TANGO2: variants seen among roughly 807,000 people sequenced by gnomAD.
The protein encoded by TANGO2 is transport and golgi organization 2 homolog.
TANGO2 carries 26 observed loss-of-function variants against 39.1 expected under a neutral mutation model. The observed-to-expected ratio is 0.67, with a 90% CI of 0.49 to 0.92. The LOEUF (loss-of-function observed/expected upper bound fraction) is 0.92. Ranked by LOEUF, TANGO2 falls within the 40% of genes least tolerant of loss-of-function variation. TANGO2 has a pLI of 0.00. For synonymous variants in TANGO2, 131 were observed against 144.5 expected, an observed-to-expected ratio of 0.91 and a Z score of 0.67; for missense variants, 326 against 360.1, an observed-to-expected ratio of 0.91 and a Z score of 0.77.
intron 1 of TANGO2, among the ~76,000 whole-genome samples, chr22:20,034,315 G>A (rs2042434434): frequency 6.6e-6 from 1 of 152,256 alleles, no homozygotes; most frequent in African/African-American, 2.4e-5. Flanking sequence ...TGCCATCAGA[G>A]CATGGTTGGT....
chr22:20,061,791 TC>T, intron 7 of TANGO2, 108 bp downstream of exon 7: 2 of 1,368,856 alleles, frequency 1.5e-6, no homozygotes, highest in Non-Finnish European at 9.7e-7. Context: ...CCAGGCTGGG[TC>T]CCCAGCTGCA....
intron 1 of TANGO2, among the ~76,000 whole-genome samples, chr22:20,035,259 A>G (rs373217096): frequency 2.6e-5 from 4 of 152,226 alleles, no homozygotes; most frequent in African/African-American, 7.2e-5. Flanking sequence ...ATGGTCCCCA[A>G]TGGCCATCCC....
rs893959256 is a variant in TANGO2 at position 20,052,789 on chromosome 22, G to A, written c.265+205G>A. 3.9e-5 allele frequency among the ~76,000 whole-genome samples: 6 copies of A among 152,134 alleles called. No homozygotes were observed. The East Asian group carries it at 1.2e-3, about 29-fold the overall frequency. ...TGGGGCAGGGCCAGGTTACAGAGTG[G>A]GCGGTGACAAAGCGTGGCAGGGCAG... On this transcript the variant is annotated intron_variant, in intron 4 of 8. Transcript: ENST00000327374.
At chr22:20,044,892 G>T (rs900881301) in intron 3 of TANGO2, among the ~76,000 whole-genome samples, 36 of 152,318 alleles carry the variant, frequency 2.4e-4, no homozygotes, top group Admixed American at 8.5e-4. Flanking sequence ...AGGTCTGTCA[G>T]CTGCCTCTGA....
At chr22:20,052,717 C>A in intron 4 of TANGO2, 133 bp downstream of exon 4, 1 of 1,185,800 alleles carries the variant, frequency 8.4e-7, no homozygotes, top group Non-Finnish European at 1.2e-6. Context: ...TAGGAAGTGC[C>A]AAGGTGCTTG....
At chr22:20,043,896 G>A (rs766943575) in intron 3 of TANGO2, among the ~76,000 whole-genome samples, 14 of 152,102 alleles carry the variant, frequency 9.2e-5, no homozygotes, top group Non-Finnish European at 1.8e-4. Context: ...GCTGAGTTTG[G>A]GAAGCTGGTG....
At chr22:20,049,870 T>C (rs904811577) in intron 3 of TANGO2, among the ~76,000 whole-genome samples, 1 of 152,082 alleles carries the variant, frequency 6.6e-6, no homozygotes, top group African/African-American at 2.4e-5. Context: ...TTAACAATAC[T>C]GAGTTGTCTA....
rs943422285 is a variant in TANGO2 at position 20,064,698 on chromosome 22, G to A, written c.*36G>A. The A allele has an allele frequency of 6.2e-7, 1 of 1,611,610 alleles. No homozygotes were observed. The highest frequency in any genetic ancestry group is 2.2e-5 in the East Asian group (1 of 44,864). On this transcript the variant is annotated 3_prime_UTR_variant, in exon 9 of 9. Coordinates refer to ENST00000327374, the MANE Select transcript of TANGO2 (RefSeq NM_152906.7). ...GGGCCTGGCCAGTGGGCTCCTGGGG[G>A]GCCCTGCCTTGAGGGGCACTGTGGA...
intron 1 of TANGO2, among the ~76,000 whole-genome samples, chr22:20,032,901 G>T (rs1305172082): frequency 6.6e-6 from 1 of 152,212 alleles, no homozygotes; most frequent in Non-Finnish European, 1.5e-5. Flanking sequence ...CTATATCCAT[G>T]GCTCCCTCCC....
At chr22:20,019,202 G>A (rs911236567), upstream of TANGO2, 15 of 152,218 alleles carry the variant, frequency 9.9e-5, no homozygotes, top group African/African-American at 3.1e-4. Flanking sequence ...CAGCTGTGAG[G>A]CCCCCGGAGA....
At chr22:20,064,413 G>A (rs1276882961) in intron 8 of TANGO2, 129 bp from the exon 9 acceptor site, 1 of 1,176,648 alleles carries the variant, frequency 8.5e-7, no homozygotes, top group Non-Finnish European at 1.2e-6. Flanking sequence ...TGCTCTCTGT[G>A]ACTTGGCACA....
At chr22:20,043,153 G>T (rs563576823) in intron 2 of TANGO2, among the ~76,000 whole-genome samples, 1 of 152,174 alleles carries the variant, frequency 6.6e-6, no homozygotes, top group South Asian at 2.1e-4. Context: ...TTTCCCGTGC[G>T]GTCCCAGCTG....
chr22:20,061,601 C>A lies in TANGO2; in HGVS notation c.523C>A (p.Leu175Met). The A allele has an allele frequency of 6.3e-7, 1 of 1,592,834 alleles. No individual in the cohort carries two copies. Among genetic ancestry groups the A allele is most frequent in the East Asian group, 2.3e-5 (1 of 44,334 alleles). The stretch of plus-strand genomic sequence containing the variant: ...GCTGTGCTTTGGGAAGCAGCTCTTC[C>A]TGGAGGCTGTGGAACGGAGCCAGGC... ...RKLCFGKQLF[L>M]EAVERSQALP... Residue 175 changes from leucine to methionine, a missense_variant, in exon 7 of 9, where the codon CTG (leucine) becomes ATG (methionine). By Grantham distance (15) the Leu-to-Met change is conservative. Coordinates refer to ENST00000327374, the MANE Select transcript of TANGO2 (RefSeq NM_152906.7).
chr22:20,019,485 T>C (rs1347471216), upstream of TANGO2, among the ~76,000 whole-genome samples: 2 of 152,206 alleles, frequency 1.3e-5, no homozygotes, highest in African/African-American at 2.4e-5. Context: ...TCAGAGTGTC[T>C]GCTCTGGCTC....
chr22:20,066,720 C>T lies in TANGO2; in HGVS notation c.*2058C>T, dbSNP rs961679438. Among the ~76,000 whole-genome samples, 1 of 152,198 alleles carries T rather than the reference C, an allele frequency of 6.6e-6. No homozygotes were observed. The highest frequency in any genetic ancestry group is 1.5e-5 in the Non-Finnish European group (1 of 68,030). The stretch of plus-strand genomic sequence containing the variant: ...CTGGGGGCACTGCCCTTGCTGCCAA[C>T]ACATTCACCTGCCCCAGTGGCTACC... On this transcript the variant is annotated 3_prime_UTR_variant, in exon 9 of 9. Transcript: ENST00000327374.
At chr22:20,063,240 C>A in intron 7 of TANGO2, 98 bp from the exon 8 acceptor site, 1 of 980,788 alleles carries the variant, frequency 1.0e-6, no homozygotes, top group Non-Finnish European at 1.6e-6. Flanking sequence ...CCCGGCCACT[C>A]CCCAGAGCCA....
At chr22:20,025,576 A>G (rs1274536837) in intron 1 of TANGO2, among the ~76,000 whole-genome samples, 1 of 152,126 alleles carries the variant, frequency 6.6e-6, no homozygotes, top group Non-Finnish European at 1.5e-5. Flanking sequence ...GTGGCTGCCT[A>G]GACCAGGTGG....
At chr22:20,059,147 C>T (rs938469186) in intron 6 of TANGO2, among the ~76,000 whole-genome samples, 1 of 152,106 alleles carries the variant, frequency 6.6e-6, no homozygotes, top group Non-Finnish European at 1.5e-5. Flanking sequence ...GGTCTGATAA[C>T]GTGTGTGATC....
At position 20,065,867 on chromosome 22, in the gene TANGO2, A is replaced by T. The variant is rs1263848927; in HGVS notation, c.*1205A>T. 6.6e-6 allele frequency: 1 copy of T among 152,340 alleles called. No individual in the cohort carries two copies. Among genetic ancestry groups the T allele is most frequent in the African/African-American group, 2.4e-5 (1 of 41,446 alleles). 9.4% of individuals were successfully genotyped at this position (152,340 alleles called of 1,614,324 possible). A position where few individuals can be genotyped will look rare whatever the true frequency, so the allele number is the denominator to read the frequency against. On this transcript the variant is annotated 3_prime_UTR_variant, in exon 9 of 9. Coordinates refer to ENST00000327374, the MANE Select transcript of TANGO2 (RefSeq NM_152906.7). ...TCCCTCCAGGTGAGGCAAACTTCATAGGAATCTGTACCTGAATGTGAGCTC... is the reference window on the plus strand; with the variant it reads ...TCCCTCCAGGTGAGGCAAACTTCATTGGAATCTGTACCTGAATGTGAGCTC...
Sources: allele counts gnomAD v4.1 joint callset (sites outside exome capture counted in the v4.1 genomes callset), GRCh38; gene constraint gnomAD v4.1.1; transcripts MANE v1.5; gene names NCBI Gene and HGNC (gene_info 2026-07-23, HGNC 2026-07-21).